Variants in SEL1L2 observed in about 807,000 individuals in gnomAD.
The protein encoded by SEL1L2 is protein sel-1 homolog 2.
A neutral mutation model predicts 98.8 loss-of-function variants in SEL1L2; 89 were observed. The observed-to-expected ratio is 0.90, with a 90% CI of 0.76 to 1.07. The LOEUF (loss-of-function observed/expected upper bound fraction) is 1.07, where lower values mean the gene tolerates loss of function less well. Among genes scored for constraint, SEL1L2 ranks in the 50% least tolerant of loss-of-function variants. The pLI, the probability that SEL1L2 is intolerant of heterozygous loss-of-function variation, is 0.00. For synonymous variants in SEL1L2, 262 were observed against 278.5 expected (o/e 0.94, Z 0.59); for missense variants, 788 against 812.0 (o/e 0.97, Z 0.36).
At chr20:13,947,198 C>T (rs1462297909) in intron 2 of SEL1L2, among the ~76,000 whole-genome samples, 1 of 152,118 alleles carries the variant, frequency 6.6e-6, no homozygotes, top group Admixed American at 6.5e-5. Context: ...GACCCATGGC[C>T]ACCCATGGAC....
intron 5 of SEL1L2, among the ~76,000 whole-genome samples, chr20:13,908,729 A>G (rs1269691546): frequency 6.6e-6 from 1 of 152,152 alleles, no homozygotes; most frequent in Non-Finnish European, 1.5e-5. Flanking sequence ...AAGGTACAGA[A>G]TCTCTGAAAA....
At chr20:13,963,462 A>G (rs1167027791) in intron 1 of SEL1L2, among the ~76,000 whole-genome samples, 1 of 149,306 alleles carries the variant, frequency 6.7e-6, no homozygotes, top group African/African-American at 2.5e-5. Flanking sequence ...CACGCCTGGA[A>G]TCCCAGCACT....
intron 3 of SEL1L2, among the ~76,000 whole-genome samples, chr20:13,925,161 TG>T (rs2048831780): frequency 6.6e-6 from 1 of 152,094 alleles, no homozygotes; most frequent in African/African-American, 2.4e-5. Flanking sequence ...ATACTTGAGG[TG>T]CTATGCCTTT....
chr20:13,962,276 C>T (rs962539125), intron 1 of SEL1L2, among the ~76,000 whole-genome samples: 1 of 152,192 alleles, frequency 6.6e-6, no homozygotes, highest in Admixed American at 6.5e-5. Context: ...TTTTCCCACT[C>T]CTTATGTCTG....
intron 5 of SEL1L2, among the ~76,000 whole-genome samples, chr20:13,898,845 A>C (rs1489474582): frequency 3.3e-5 from 5 of 152,024 alleles, no homozygotes; most frequent in Non-Finnish European, 5.9e-5. Flanking sequence ...CGGGTTCAAG[A>C]GATTCTCCTG....
intron 1 of SEL1L2, among the ~76,000 whole-genome samples, chr20:13,957,107 C>CT (rs528436688): frequency 0.066 from 9,605 of 146,228 alleles, 343 homozygotes; most frequent in Non-Finnish European, 0.075. Context: ...TTTATTTCTA[C>CT]TTTTTTTTTT....
Position 13,959,812 on chromosome 20 carries a change from T to C in SEL1L2, c.59-3681A>G, listed in dbSNP as rs2050699920. On this transcript the variant is annotated intron_variant, in intron 1 of 19. Transcript: ENST00000284951. ...TGGTTCTTATTTTGATTAACAAAGA[T>C]GTGTTTGAGCCTAGTTATAATTATT... Among the ~76,000 whole-genome samples, 3 of 152,234 alleles carry C rather than the reference T, an allele frequency of 2.0e-5. No individual in the cohort carries two copies. The South Asian group carries it at 6.2e-4, about 31-fold the overall frequency.
intron 1 of SEL1L2, among the ~76,000 whole-genome samples, chr20:13,956,856 T>C: frequency 6.6e-6 from 1 of 152,130 alleles, no homozygotes; most frequent in East Asian, 1.9e-4. Context: ...ATTACTAAGA[T>C]TGACAAATTT....
intron 18 of SEL1L2, among the ~76,000 whole-genome samples, chr20:13,854,862 G>A (rs1023283984): frequency 4.6e-5 from 7 of 152,016 alleles, no homozygotes; most frequent in African/African-American, 1.7e-4. Flanking sequence ...GACCATCCTG[G>A]CCAACATGGT....
intron 3 of SEL1L2, among the ~76,000 whole-genome samples, chr20:13,928,770 CCA>C (rs1392115960): frequency 2.0e-5 from 3 of 152,140 alleles, no homozygotes; most frequent in Non-Finnish European, 4.4e-5. Context: ...GAAGTTTAAT[CCA>C]TATAAATGTA....
In SEL1L2 at chr20:13,887,961, A is replaced by G; in HGVS notation, c.644T>C (p.Met215Thr). 1.2e-6 allele frequency: 2 copies of G among 1,613,836 alleles called. No homozygotes were observed. Among genetic ancestry groups the G allele is most frequent in the Non-Finnish European group, 1.7e-6 (2 of 1,179,874 alleles). ...ACAAACCAAAATCATCTGGGACATC[A>G]TGTTTCCTCCAGCACTTCCAAAGGT... Reference protein sequence around the residue: ...YYTFGSAGGNMMSQMILGYRY... With the variant: ...YYTFGSAGGNTMSQMILGYRY... Residue 215 changes from methionine (M) to threonine (T), a missense_variant, in exon 7 of 20, where the codon ATG becomes ACG. By Grantham distance (81) the Met-to-Thr change is moderately conservative (BLOSUM62 -1). Coordinates refer to ENST00000284951, the MANE Select transcript of SEL1L2 (RefSeq NM_025229.2).
intron 10 of SEL1L2, among the ~76,000 whole-genome samples, chr20:13,878,975 A>T (rs555085109): frequency 1.3e-5 from 2 of 152,338 alleles, no homozygotes; most frequent in Non-Finnish European, 2.9e-5. Flanking sequence ...AAGTTTTTGC[A>T]AACTTTTTCT....
intron 2 of SEL1L2, among the ~76,000 whole-genome samples, chr20:13,942,309 C>T (rs188068861): frequency 8.5e-5 from 13 of 152,320 alleles, no homozygotes; most frequent in Non-Finnish European, 1.0e-4. Flanking sequence ...AGAGTATGAA[C>T]ACTAGTGCCC....
intron 5 of SEL1L2, among the ~76,000 whole-genome samples, 165 bp from the exon 6 acceptor site, chr20:13,888,677 C>T (rs1264423799): frequency 7.1e-5 from 8 of 111,924 alleles, no homozygotes; most frequent in South Asian, 6.2e-4. Flanking sequence ...CTCACTCTGT[C>T]GCCCAGGCTG....
chr20:13,985,621 G>A (rs932786895), intron 1 of SEL1L2, among the ~76,000 whole-genome samples: 9 of 152,080 alleles, frequency 5.9e-5, no homozygotes, highest in Non-Finnish European at 1.0e-4. Flanking sequence ...TCAAGGATAT[G>A]GACTGTTCTT....
intron 5 of SEL1L2, among the ~76,000 whole-genome samples, chr20:13,906,024 A>G (rs1226604841): frequency 1.3e-5 from 2 of 151,568 alleles, no homozygotes; most frequent in Admixed American, 1.3e-4. Flanking sequence ...ACAAGCATGC[A>G]CCACCATACC....
In SEL1L2 at chr20:13,849,609, TG is replaced by T. The variant is rs767738342; in HGVS notation, c.1948-6del. The T allele has an allele frequency of 2.5e-6, 4 of 1,613,378 alleles. No individual in the cohort carries two copies. The African/African-American group carries it at 5.3e-5, about 22-fold the overall frequency. ...CCAGTTCCATCTCGTTGTGAACTGCTGGCAAGAGACATTCTCTCAAAAACAA... is the reference window on the plus strand; with the variant it reads ...CCAGTTCCATCTCGTTGTGAACTGCTGCAAGAGACATTCTCTCAAAAACAA... On this transcript the variant is annotated splice_region_variant and splice_polypyrimidine_tract_variant and intron_variant, in intron 19 of 19. Transcript: ENST00000284951.
At chr20:13,931,997 CT>C (rs1159346899) in intron 2 of SEL1L2, among the ~76,000 whole-genome samples, 3 of 152,092 alleles carry the variant, frequency 2.0e-5, no homozygotes, top group Admixed American at 6.5e-5. Context: ...GTCATCTGAA[CT>C]ACAGAGCCAA....
chr20:13,979,571 A>G (rs2051710769), intron 1 of SEL1L2, among the ~76,000 whole-genome samples: 1 of 152,226 alleles, frequency 6.6e-6, no homozygotes, highest in South Asian at 2.1e-4. Context: ...TTCAGAAGAC[A>G]TACATTCAAG....
Sources: gnomAD v4.1 joint callset for allele counts (sites outside exome capture counted in the v4.1 genomes callset) on GRCh38, gnomAD v4.1.1 for gene constraint, MANE v1.5 for transcripts, NCBI Gene and HGNC (gene_info 2026-07-23, HGNC 2026-07-21) for gene names.